The following TSPAN9 variants were observed in gnomAD, a reference collection of about 807,000 sequenced individuals.
TSPAN9 encodes tetraspanin 9, also known as tetraspanin-9.
In TSPAN9, 16 loss-of-function variants were observed where a neutral mutation model predicts 31.0. That is an observed-to-expected ratio of 0.52 (90% CI 0.35 to 0.78). The LOEUF is 0.78. Among genes scored for constraint, TSPAN9 ranks in the 30% least tolerant of loss-of-function variants. The probability of loss-of-function intolerance (pLI) is 0.01; values close to 1 mark genes in which losing one functional copy is unlikely to be tolerated. For missense variants in TSPAN9, 272 were observed against 312.5 expected (o/e 0.87, Z 0.98); for synonymous variants, 145 against 121.6 (o/e 1.19, Z -1.27).
At chr12:3,112,918 A>G (rs10848802) in intron 2 of TSPAN9, among the ~76,000 whole-genome samples, 66,557 of 151,864 alleles carry the variant, frequency 0.44, 16,283 homozygotes, top group African/African-American at 0.67. Context: ...TGGCTCCTGC[A>G]ATTCTCCTGC....
intron 3 of TSPAN9, among the ~76,000 whole-genome samples, chr12:3,237,281 C>CTCCTGA (rs1565626776): frequency 2.0e-5 from 3 of 151,780 alleles, no homozygotes; most frequent in South Asian, 2.1e-4. Context: ...ACAGATATTC[C>CTCCTGA]TGGGCTTGCC....
At chr12:3,158,495 A>G (rs1305020587) in intron 2 of TSPAN9, among the ~76,000 whole-genome samples, 1 of 151,978 alleles carries the variant, frequency 6.6e-6, no homozygotes, top group African/African-American at 2.4e-5. Flanking sequence ...AAGCTGAGGC[A>G]GGTGGATCAC....
At chr12:3,108,914 A>G (rs2098316103) in intron 2 of TSPAN9, among the ~76,000 whole-genome samples, 1 of 151,420 alleles carries the variant, frequency 6.6e-6, no homozygotes, top group South Asian at 2.1e-4. Flanking sequence ...AAGGATATTA[A>G]TGATAGTTTC....
intron 2 of TSPAN9, among the ~76,000 whole-genome samples, chr12:3,194,501 C>T (rs1429067559): frequency 6.6e-6 from 1 of 152,190 alleles, no homozygotes; most frequent in Non-Finnish European, 1.5e-5. Flanking sequence ...ATCCTCCCGC[C>T]TCAGCCTCCT....
At position 3,228,185 on chromosome 12, in the gene TSPAN9, CA is replaced by C. The variant is rs1180763641; in HGVS notation, c.63+26936del. Among the ~76,000 whole-genome samples the C allele has an allele frequency of 7.2e-5, 11 of 152,130 alleles. No individual in the cohort carries two copies. The South Asian group carries it at 1.9e-3, about 26-fold the overall frequency. ...GCAACATCACAAGACCTCAACTCTA[CA>C]AAAAAATATAGAAAAATTAGCCAAA... On this transcript the variant is annotated intron_variant, in intron 3 of 8. Transcript: ENST00000011898.
intron 2 of TSPAN9, among the ~76,000 whole-genome samples, chr12:3,163,722 C>A (rs1227686078): frequency 6.6e-6 from 1 of 152,182 alleles, no homozygotes; most frequent in Non-Finnish European, 1.5e-5. Context: ...ATTTACATAT[C>A]TCTGTGCAGC....
intron 3 of TSPAN9, among the ~76,000 whole-genome samples, chr12:3,258,784 A>G (rs911563434): frequency 6.6e-6 from 1 of 152,154 alleles, no homozygotes; most frequent in Non-Finnish European, 1.5e-5. Context: ...TCCCTTGGTT[A>G]CTTCCAGCAG....
chr12:3,135,565 G>T (rs2098331726), intron 2 of TSPAN9, among the ~76,000 whole-genome samples: 1 of 152,172 alleles, frequency 6.6e-6, no homozygotes, highest in Non-Finnish European at 1.5e-5. Context: ...GTCCAGGCCT[G>T]CAGGGTTGAG....
Position 3,280,302 on chromosome 12 carries a change from T to C in TSPAN9, c.331-80T>C, listed in dbSNP as rs1302831615. ...CTCACTCCTCATCTGTCACCCACCA[T>C]CCTGGGTGACCTGAGGTGGGCTGGA... On this transcript the variant is annotated intron_variant, in intron 5 of 8. Coordinates refer to ENST00000011898, the MANE Select transcript of TSPAN9 (RefSeq NM_006675.5). The surrounding 1 kb of genome is among the most constrained non-coding windows in gnomAD (Gnocchi z 4.5). 3 of 1,317,058 alleles carry C rather than the reference T, an allele frequency of 2.3e-6. No homozygotes were observed. Among genetic ancestry groups the C allele is most frequent in the Non-Finnish European group, 3.2e-6 (3 of 924,654 alleles). 81.6% of individuals were successfully genotyped at this position (1,317,058 alleles called of 1,614,324 possible). A position where few individuals can be genotyped will look rare whatever the true frequency, so the allele number is the denominator to read the frequency against.
chr12:3,181,001 T>C (rs2098358314), intron 2 of TSPAN9, among the ~76,000 whole-genome samples: 1 of 147,998 alleles, frequency 6.8e-6, no homozygotes, highest in Non-Finnish European at 1.5e-5. Flanking sequence ...AGGGCACTGG[T>C]AGACCAGGAG....
intron 3 of TSPAN9, among the ~76,000 whole-genome samples, chr12:3,245,868 G>T (rs572592387): frequency 1.3e-5 from 2 of 151,494 alleles, no homozygotes; most frequent in Non-Finnish European, 2.9e-5. Flanking sequence ...CTCCTGCCCA[G>T]CCCGCCTTGC....
At chr12:3,197,641 C>G (rs981794392) in intron 2 of TSPAN9, among the ~76,000 whole-genome samples, 6 of 152,100 alleles carry the variant, frequency 3.9e-5, no homozygotes, top group African/African-American at 1.5e-4. Context: ...GCCAGTGAGG[C>G]TGCAGGTTCA....
intron 2 of TSPAN9, among the ~76,000 whole-genome samples, chr12:3,141,523 AG>A (rs1381824119): frequency 6.6e-6 from 1 of 151,990 alleles, no homozygotes; most frequent in African/African-American, 2.4e-5. Context: ...TGTGTCTTTG[AG>A]GAGGCCGTGC....
In TSPAN9 at chr12:3,146,664, T is replaced by C. The variant is rs74654286; in HGVS notation, c.-17-54513T>C. Among the ~76,000 whole-genome samples the C allele has an allele frequency of 3.8e-3, 578 of 152,342 alleles. 3 individuals are homozygous for C. Among genetic ancestry groups the C allele is most frequent in the African/African-American group, 0.013 (559 of 41,584 alleles). ...CTGCTGCCTCCACTCTCCTCCTCTT[T>C]CCTGCCTCCTTATCTTTCTCCACCT... On this transcript the variant is annotated intron_variant, in intron 2 of 8. Coordinates refer to ENST00000011898, the MANE Select transcript of TSPAN9 (RefSeq NM_006675.5).
intron 2 of TSPAN9, among the ~76,000 whole-genome samples, chr12:3,193,179 T>C (rs185635474): frequency 1.3e-5 from 2 of 152,228 alleles, no homozygotes; most frequent in Admixed American, 1.3e-4. Flanking sequence ...CCCTTTGTTA[T>C]TTTACTAGAG....
chr12:3,136,375 G>C (rs1324762465), intron 2 of TSPAN9, among the ~76,000 whole-genome samples: 3 of 152,212 alleles, frequency 2.0e-5, no homozygotes, highest in African/African-American at 7.2e-5. Flanking sequence ...GGGCTCGACA[G>C]TTTGTGTTAC....
At chr12:3,144,799 C>T (rs2153968036) in intron 2 of TSPAN9, among the ~76,000 whole-genome samples, 1 of 152,352 alleles carries the variant, frequency 6.6e-6, no homozygotes, top group South Asian at 2.1e-4. Flanking sequence ...GAGGCTAGTG[C>T]TAGCATGTCA....
At chr12:3,220,869 C>G (rs929814301) in intron 3 of TSPAN9, among the ~76,000 whole-genome samples, 2 of 152,148 alleles carry the variant, frequency 1.3e-5, no homozygotes, top group African/African-American at 4.8e-5. Context: ...TATCTTAGAC[C>G]TTGGATGAGG....
At chr12:3,265,665 C>T (rs891295052) in intron 3 of TSPAN9, among the ~76,000 whole-genome samples, 1 of 152,180 alleles carries the variant, frequency 6.6e-6, no homozygotes. Context: ...CCCCACGCCA[C>T]CACCTGGGCT....
Sources: gnomAD v4.1 joint callset for allele counts (sites outside exome capture counted in the v4.1 genomes callset) on GRCh38, gnomAD v4.1.1 for gene constraint, Gnocchi (gnomAD v3.1) non-coding constraint, MANE v1.5 for transcripts, NCBI Gene and HGNC (gene_info 2026-07-23, HGNC 2026-07-21) for gene names.